Variants in CNTN5 observed in about 807,000 individuals in gnomAD.
CNTN5 encodes the protein contactin 5.
In CNTN5, 77 loss-of-function variants were observed where a neutral mutation model predicts 129.1. That is an observed-to-expected ratio of 0.60 (90% CI 0.50 to 0.72). The LOEUF is 0.72. CNTN5 is among the 30% of genes least tolerant of loss of function. The probability of loss-of-function intolerance (pLI) is 0.00; values close to 1 mark genes in which losing one functional copy is unlikely to be tolerated. For missense variants in CNTN5, 1,478 were observed against 1,328.8 expected (o/e 1.11, Z -1.75); for synonymous variants, 509 against 465.6 (o/e 1.09, Z -1.20).
intron 18 of CNTN5, among the ~76,000 whole-genome samples, chr11:100,290,270 T>C (rs917774714): frequency 3.3e-5 from 5 of 152,086 alleles, no homozygotes; most frequent in South Asian, 2.1e-4. Flanking sequence ...CAAGTTCATA[T>C]GGAACCAAAA....
intron 1 of CNTN5, among the ~76,000 whole-genome samples, chr11:99,072,087 A>T (rs906768070): frequency 1.6e-4 from 25 of 152,116 alleles, no homozygotes; most frequent in Admixed American, 5.2e-4. Flanking sequence ...ATTTATATGA[A>T]GTTGAACAAT....
At chr11:99,675,584 C>A (rs1345311716) in intron 3 of CNTN5, among the ~76,000 whole-genome samples, 1 of 152,076 alleles carries the variant, frequency 6.6e-6, no homozygotes, top group Non-Finnish European at 1.5e-5. Context: ...ACTTGGGAGG[C>A]TGAGGTAGGA....
At chr11:99,671,141 A>C (rs1447289848) in intron 3 of CNTN5, among the ~76,000 whole-genome samples, 1 of 64,708 alleles carries the variant, frequency 1.5e-5, no homozygotes, top group African/African-American at 5.4e-5. Flanking sequence ...CTTCCCATGT[A>C]GATTGAGTTT....
intron 3 of CNTN5, among the ~76,000 whole-genome samples, chr11:99,794,791 A>T (rs898284955): frequency 6.6e-6 from 1 of 152,130 alleles, no homozygotes; most frequent in African/African-American, 2.4e-5. Flanking sequence ...GGAAAGGCCC[A>T]CTGTTAGCCT....
chr11:99,498,679 C>A (rs1277177770), intron 2 of CNTN5, among the ~76,000 whole-genome samples: 1 of 152,112 alleles, frequency 6.6e-6, no homozygotes, highest in African/African-American at 2.4e-5. Flanking sequence ...ATATCTCATA[C>A]CTGTGTCACC....
At chr11:100,126,058 A>T (rs1946172412) in intron 13 of CNTN5, among the ~76,000 whole-genome samples, 1 of 151,926 alleles carries the variant, frequency 6.6e-6, no homozygotes, top group Admixed American at 6.6e-5. Context: ...TTTGTTGTTT[A>T]CCCAAAATTC....
At chr11:100,043,011 A>G (rs1591117569) in intron 9 of CNTN5, among the ~76,000 whole-genome samples, 1 of 149,388 alleles carries the variant, frequency 6.7e-6, no homozygotes, top group East Asian at 1.9e-4. Context: ...CTTCTAGTGT[A>G]GCTAAAATCA....
chr11:99,785,344 G>C (rs1443354429), intron 3 of CNTN5, among the ~76,000 whole-genome samples: 1 of 152,048 alleles, frequency 6.6e-6, no homozygotes, highest in Admixed American at 6.6e-5. Flanking sequence ...CTCCCATTCT[G>C]TAGGTTGTCT....
chr11:99,981,124 GA>G (rs1236574847), intron 8 of CNTN5, among the ~76,000 whole-genome samples: 3 of 77,256 alleles, frequency 3.9e-5, no homozygotes, highest in Non-Finnish European at 9.1e-5. Flanking sequence ...ACACATATAT[GA>G]AAGAGAATTG....
intron 8 of CNTN5, among the ~76,000 whole-genome samples, chr11:99,974,692 G>A (rs1466884255): frequency 1.3e-5 from 2 of 152,166 alleles, no homozygotes; most frequent in Non-Finnish European, 2.9e-5. Flanking sequence ...CATCTATAGG[G>A]AATGTAAGGT....
At chr11:100,042,653 A>G (rs1942447142) in intron 9 of CNTN5, among the ~76,000 whole-genome samples, 1 of 152,228 alleles carries the variant, frequency 6.6e-6, no homozygotes, top group African/African-American at 2.4e-5. Flanking sequence ...AATGACTTCA[A>G]CAATGGCCAA....
chr11:99,708,111 A>C (rs1332247664), intron 3 of CNTN5, among the ~76,000 whole-genome samples: 1 of 151,780 alleles, frequency 6.6e-6, no homozygotes, highest in South Asian at 2.1e-4. Context: ...CCAGAGAACA[A>C]CTTGTGACCT....
rs912886193 is a variant in CNTN5, at chr11:99,665,404, A to G, written c.55+109135A>G. Among the ~76,000 whole-genome samples the G allele has an allele frequency of 1.9e-4, 29 of 152,014 alleles. 1 individual carries two copies. The highest frequency in any genetic ancestry group is 2.4e-5 in the African/African-American group (1 of 41,382). On this transcript the variant is annotated intron_variant, in intron 3 of 24. Transcript: ENST00000524871. ...GGCAAGACATGTGAAAAAAATACAC[A>G]TTAATGATACTATAGGAATAATTGA...
At chr11:99,327,512 G>A (rs1865835157) in intron 2 of CNTN5, among the ~76,000 whole-genome samples, 2 of 152,186 alleles carry the variant, frequency 1.3e-5, no homozygotes, top group South Asian at 2.1e-4. Context: ...AGGTTTGGCA[G>A]AGCAAAGTGC....
intron 2 of CNTN5, among the ~76,000 whole-genome samples, chr11:99,548,116 C>T (rs898965831): frequency 2.6e-5 from 4 of 152,036 alleles, no homozygotes; most frequent in African/African-American, 9.7e-5. Flanking sequence ...TCTGCAGTTA[C>T]TATTTTTCCT....
intron 6 of CNTN5, among the ~76,000 whole-genome samples, chr11:99,896,476 T>C (rs1411672271): frequency 2.0e-5 from 3 of 151,836 alleles, no homozygotes; most frequent in Admixed American, 2.0e-4. Context: ...TACAGAGGAG[T>C]AGCAGGCACG....
At chr11:99,645,499 C>T (rs575549106) in intron 3 of CNTN5, among the ~76,000 whole-genome samples, 1 of 151,626 alleles carries the variant, frequency 6.6e-6, no homozygotes, top group South Asian at 2.1e-4. Flanking sequence ...CATATGTACA[C>T]GTATGTTTAT....
rs190634878 is a variant in CNTN5 at position 100,155,921 on chromosome 11, T to A, written c.1581-35205T>A. ...GATTTGGGGCTGAGAAGATGGGGTT[T>A]TCTAAATATATAATCTTGTCATCTG... On this transcript the variant is annotated intron_variant, in intron 13 of 24. Coordinates refer to ENST00000524871, the MANE Select transcript of CNTN5 (RefSeq NM_014361.4). Among the ~76,000 whole-genome samples the A allele has an allele frequency of 1.5e-3, 222 of 152,248 alleles. 4 individuals carry two copies. Among genetic ancestry groups the A allele is most frequent in the Non-Finnish European group, 1.2e-3 (81 of 68,016 alleles).
chr11:99,979,262 G>A (rs913913142), intron 8 of CNTN5, among the ~76,000 whole-genome samples: 1 of 152,146 alleles, frequency 6.6e-6, no homozygotes, highest in African/African-American at 2.4e-5. Context: ...AATGTGTGAA[G>A]AGTAAAGAGG....
Sources: gnomAD v4.1 joint callset for allele counts (sites outside exome capture counted in the v4.1 genomes callset) on GRCh38, gnomAD v4.1.1 for gene constraint, MANE v1.5 for transcripts, NCBI Gene and HGNC (gene_info 2026-07-23, HGNC 2026-07-21) for gene names.